Variants in ERICH3 observed in about 807,000 individuals in gnomAD.
The protein encoded by ERICH3 is glutamate rich 3.
Under a neutral mutation model 131.1 loss-of-function variants are expected in ERICH3, and 126 were observed. The ratio of observed to expected loss-of-function variants is 0.96; its 90% CI spans 0.83 to 1.11. The LOEUF is 1.11. Among genes scored for constraint, ERICH3 ranks in the 50% most tolerant of loss-of-function variants. The pLI is 0.00. For missense variants in ERICH3, 2,050 were observed against 1,810.7 expected (o/e 1.13, Z -2.40); for synonymous variants, 695 against 644.6 (o/e 1.08, Z -1.18).
rs1051236085 is a variant in ERICH3 at position 74,575,764 on chromosome 1, G to C, written c.2218+1131C>G. ...AATAAAATTGCCTAGCCACCATGTAGTAATATATTATGCCTAAATTCTAGG... is the reference window on the plus strand; with the variant it reads ...AATAAAATTGCCTAGCCACCATGTACTAATATATTATGCCTAAATTCTAGG... On this transcript the variant is annotated intron_variant, in intron 13 of 14. Coordinates refer to ENST00000326665, the MANE Select transcript of ERICH3 (RefSeq NM_001002912.5). Among the ~76,000 whole-genome samples the C allele has an allele frequency of 3.9e-5, 6 of 152,316 alleles. No individual in the cohort carries two copies. In the East Asian group the frequency reaches 1.2e-3, roughly 29 times the overall value.
chr1:74,673,398 C>T (rs2100665843), intron 1 of ERICH3, 99 bp downstream of exon 1: 12 of 1,459,434 alleles, frequency 8.2e-6, no homozygotes, highest in Non-Finnish European at 1.1e-5. Context: ...CCCCTCGCTC[C>T]CCTCTCGCCC....
intron 1 of ERICH3, among the ~76,000 whole-genome samples, chr1:74,669,336 C>A (rs1570925781): frequency 6.6e-6 from 1 of 152,024 alleles, no homozygotes; most frequent in African/African-American, 2.4e-5. Flanking sequence ...AGCTATAATG[C>A]TTCTCATTCT....
Position 74,631,752 on chromosome 1 carries a change from T to G in ERICH3, c.780A>C (p.Pro260=). Residue 260 remains proline, a synonymous_variant, in exon 7 of 15, where the codon CCA becomes CCC. Transcript: ENST00000326665. The part of the protein sequence containing the change: ...SETWRRRRFR[P]TTAPNGLEPL... ...GTTCTAAGCCATTTGGAGCAGTGGT[T>G]GGACGAAATCTTCTCCTTCTCCATG... 1 of 1,613,542 alleles carries G rather than the reference T, an allele frequency of 6.2e-7. No individual in the cohort carries two copies. Among genetic ancestry groups the G allele is most frequent in the Non-Finnish European group, 8.5e-7 (1 of 1,179,588 alleles).
intron 10 of ERICH3, among the ~76,000 whole-genome samples, chr1:74,601,895 G>T (rs1280320113): frequency 6.6e-6 from 1 of 151,834 alleles, no homozygotes; most frequent in Admixed American, 6.6e-5. Flanking sequence ...CAACGCTATG[G>T]TGAGTATTGA....
chr1:74,657,530 C>T lies in ERICH3; in HGVS notation c.24-8215G>A, dbSNP rs75237877. 1.1e-4 allele frequency among the ~76,000 whole-genome samples: 17 copies of T among 152,180 alleles called. No individual in the cohort carries two copies. The East Asian group carries it at 3.3e-3, about 29-fold the overall frequency. Reference sequence around the variant, plus strand: ...TCATTCTTTTTTATTTGCATCCAAACCTGCCAGATCTCAGTAATTATGCTA... The same window carrying T: ...TCATTCTTTTTTATTTGCATCCAAATCTGCCAGATCTCAGTAATTATGCTA... On this transcript the variant is annotated intron_variant, in intron 1 of 14. Coordinates refer to ENST00000326665, the MANE Select transcript of ERICH3 (RefSeq NM_001002912.5).
At chr1:74,648,405 A>G (rs1456638543) in intron 2 of ERICH3, among the ~76,000 whole-genome samples, 3 of 152,094 alleles carry the variant, frequency 2.0e-5, no homozygotes, top group African/African-American at 7.2e-5. Flanking sequence ...AAGTTAAGAA[A>G]GTGATTTATT....
chr1:74,579,893 A>G, intron 12 of ERICH3: 1 of 985,008 alleles, frequency 1.0e-6, no homozygotes, highest in Non-Finnish European at 1.2e-6. Flanking sequence ...TCACACACAG[A>G]AAATTTCTTA....
At chr1:74,662,830 T>C (rs1369821917) in intron 1 of ERICH3, among the ~76,000 whole-genome samples, 2 of 152,120 alleles carry the variant, frequency 1.3e-5, no homozygotes, top group Admixed American at 1.3e-4. Context: ...TTATACCATG[T>C]TTTTAAAGAG....
intron 11 of ERICH3, among the ~76,000 whole-genome samples, chr1:74,598,148 C>T (rs796279534): frequency 2.8e-4 from 43 of 151,808 alleles, no homozygotes; most frequent in African/African-American, 9.6e-4. Flanking sequence ...TCCCATCTTA[C>T]CTATTATTAA....
At chr1:74,607,332 A>G (rs1648450934) in intron 9 of ERICH3, among the ~76,000 whole-genome samples, 1 of 152,010 alleles carries the variant, frequency 6.6e-6, no homozygotes, top group African/African-American at 2.4e-5. Flanking sequence ...TAGAACATGC[A>G]GATTTACAAA....
chr1:74,571,626 C>A lies in ERICH3; in HGVS notation c.4084G>T (p.Gly1362Cys), dbSNP rs1485881325. ...TAAEEREVLA[G>C]SETAEEKTIA... ...GTTTTCTCCTCGGCTGTCTCCGAAC[C>A]TGCCAACACCTCCCTCTCCTCTGCG... The change falls in exon 14 of 15, where the codon GGT becomes TGT. Residue 1362 changes from glycine (G) to cysteine (C), a missense_variant. Physicochemically the swap from Gly to Cys is radical, Grantham distance 159. Transcript: ENST00000326665. 1 of 1,614,070 alleles carries A rather than the reference C, an allele frequency of 6.2e-7. No homozygotes were observed. The highest frequency in any genetic ancestry group is 8.5e-7 in the Non-Finnish European group (1 of 1,180,034).
chr1:74,646,241 T>A (rs1243265772), intron 3 of ERICH3, among the ~76,000 whole-genome samples: 1 of 152,070 alleles, frequency 6.6e-6, no homozygotes. Flanking sequence ...TCTGAAATAA[T>A]TCATGGCAAT....
intron 8 of ERICH3, among the ~76,000 whole-genome samples, chr1:74,617,890 G>A (rs1198257118): frequency 6.6e-6 from 1 of 152,086 alleles, no homozygotes; most frequent in East Asian, 1.9e-4. Context: ...AAAAGTCAAT[G>A]ATAAAAGAAA....
At chr1:74,658,811 T>G (rs1397706669) in intron 1 of ERICH3, among the ~76,000 whole-genome samples, 1 of 152,192 alleles carries the variant, frequency 6.6e-6, no homozygotes, top group Non-Finnish European at 1.5e-5. Flanking sequence ...TTGTACTCTA[T>G]GAGTTCCAAC....
chr1:74,619,306 T>C (rs1046154683), intron 8 of ERICH3, among the ~76,000 whole-genome samples: 1 of 152,232 alleles, frequency 6.6e-6, no homozygotes, highest in Non-Finnish European at 1.5e-5. Context: ...CTATCACATT[T>C]TCCAGCAAAT....
chr1:74,620,594 C>T, intron 8 of ERICH3, 140 bp downstream of exon 8: 1 of 660,834 alleles, frequency 1.5e-6, no homozygotes, highest in Non-Finnish European at 2.4e-6. Context: ...TCTAGATTTA[C>T]TTTTAGGCAG....
intron 7 of ERICH3, 142 bp from the exon 8 acceptor site, chr1:74,621,056 G>T: frequency 1.5e-6 from 1 of 668,034 alleles, no homozygotes; most frequent in Non-Finnish European, 2.3e-6. Context: ...ATTTACAAAT[G>T]CACAAAAAGT....
chr1:74,580,947 A>G (rs1053223181), intron 12 of ERICH3, among the ~76,000 whole-genome samples: 2 of 152,104 alleles, frequency 1.3e-5, no homozygotes, highest in Non-Finnish European at 2.9e-5. Context: ...GTAGTCTCCA[A>G]TGGCTATTGT....
chr1:74,646,077 C>A (rs687021), intron 3 of ERICH3, among the ~76,000 whole-genome samples: 1,920 of 149,322 alleles, frequency 0.013, 32 homozygotes, highest in African/African-American at 0.043. Flanking sequence ...CATTAAGATA[C>A]CCTGTCAGAT....
Sources: gnomAD v4.1 joint callset for allele counts (sites outside exome capture counted in the v4.1 genomes callset) on GRCh38, gnomAD v4.1.1 for gene constraint, MANE v1.5 for transcripts, NCBI Gene and HGNC (gene_info 2026-07-23, HGNC 2026-07-21) for gene names.